Variants in TMCO1 observed in about 807,000 individuals in gnomAD.
TMCO1 encodes the protein calcium load-activated calcium channel.
Under a neutral mutation model 29.3 loss-of-function variants are expected in TMCO1, and 29 were observed. That is an observed-to-expected ratio of 0.99 (90% confidence interval 0.74 to 1.35). The LOEUF (loss-of-function observed/expected upper bound fraction) is 1.35, where lower values mean the gene tolerates loss of function less well. Ranked by LOEUF, TMCO1 falls within the 40% of genes most tolerant of loss-of-function variation. The pLI, the probability that TMCO1 is intolerant of heterozygous loss-of-function variation, is 0.00. For synonymous variants in TMCO1, 80 were observed against 77.1 expected (o/e 1.04, Z -0.20); for missense variants, 173 against 225.5 (o/e 0.77, Z 1.49).
intron 6 of TMCO1, among the ~76,000 whole-genome samples, chr1:165,734,565 G>A (rs1279696121): frequency 3.9e-5 from 6 of 152,076 alleles, no homozygotes; most frequent in African/African-American, 1.4e-4. Context: ...GTGCAGTGGT[G>A]TGATCTCAGC....
intron 6 of TMCO1, among the ~76,000 whole-genome samples, chr1:165,736,184 AT>A: frequency 6.6e-6 from 1 of 152,316 alleles, no homozygotes; most frequent in Non-Finnish European, 1.5e-5. Context: ...ATTTGCCTTG[AT>A]TTTGGACTTC....
chr1:165,726,032 G>A (rs750107107), downstream of TMCO1: 1 of 688,590 alleles, frequency 1.5e-6, no homozygotes, highest in Admixed American at 2.0e-5. Context: ...AAGCCTCAGG[G>A]TATGAGTGAT....
intron 6 of TMCO1, among the ~76,000 whole-genome samples, chr1:165,728,927 T>C (rs1361400714): frequency 2.0e-5 from 3 of 151,898 alleles, no homozygotes; most frequent in Non-Finnish European, 4.4e-5. Flanking sequence ...TAAAACCCCA[T>C]CTCTACTTTT....
chr1:165,732,501 CTCTCTATA>C (rs1238882062), intron 6 of TMCO1, among the ~76,000 whole-genome samples: 3 of 138,206 alleles, frequency 2.2e-5, no homozygotes, highest in Admixed American at 7.2e-5. Flanking sequence ...CTCTCTCTCT[CTCTCTATA>C]TATATATATA....
chr1:165,745,474 CAAAAA>C (rs570579214), intron 5 of TMCO1, among the ~76,000 whole-genome samples: 2 of 101,352 alleles, frequency 2.0e-5, no homozygotes, highest in Non-Finnish European at 3.8e-5. Flanking sequence ...CTATCTCTAC[CAAAAA>C]AAAAAAAAAA....
chr1:165,745,544 G>T (rs1651768418), intron 5 of TMCO1, among the ~76,000 whole-genome samples: 1 of 151,312 alleles, frequency 6.6e-6, no homozygotes. Context: ...CTACTCAGGA[G>T]GCTAAGGTAG....
At chr1:165,747,667 C>T (rs1651849855) in intron 5 of TMCO1, among the ~76,000 whole-genome samples, 1 of 152,060 alleles carries the variant, frequency 6.6e-6, no homozygotes. Flanking sequence ...GTCATGAGAG[C>T]CAGGGTAAGG....
At chr1:165,751,172 A>G (rs1651980478) in intron 5 of TMCO1, among the ~76,000 whole-genome samples, 1 of 152,224 alleles carries the variant, frequency 6.6e-6, no homozygotes, top group South Asian at 2.1e-4. Context: ...GGTTTAGACA[A>G]CAGTAATTTA....
chr1:165,755,807 A>C (rs942513037), intron 3 of TMCO1, among the ~76,000 whole-genome samples: 2 of 152,172 alleles, frequency 1.3e-5, no homozygotes, highest in Non-Finnish European at 2.9e-5. Context: ...AGCCTCATGA[A>C]GATTTATAAC....
At chr1:165,755,551 G>T (rs73014631) in intron 3 of TMCO1, among the ~76,000 whole-genome samples, 2,020 of 152,192 alleles carry the variant, frequency 0.013, 54 homozygotes, top group African/African-American at 0.047. Flanking sequence ...TATGCCTGTA[G>T]TCTGAGCTAT....
At chr1:165,758,401 C>T in intron 3 of TMCO1, among the ~76,000 whole-genome samples, 1 of 151,834 alleles carries the variant, frequency 6.6e-6, no homozygotes, top group Admixed American at 6.6e-5. Context: ...ACTAAAAATA[C>T]AAAAATTAGC....
chr1:165,752,161 C>A lies in TMCO1; in HGVS notation c.264G>T (p.Met88Ile). ...AAAAGCCAATAGCAAACATGGATTT[C>A]ATTCGAACCTGTAATGAGACGAACA... ...NNNRDLSMVRMKSMFAIGFCF... is the reference protein window; with the variant it reads ...NNNRDLSMVRIKSMFAIGFCF... Residue 88 changes from methionine to isoleucine, a missense_variant, in exon 5 of 7, where the codon ATG becomes ATT. Met to Ile is a conservative substitution (Grantham distance 10). Transcript: ENST00000367881. 1 of 1,611,612 alleles carries A rather than the reference C, an allele frequency of 6.2e-7. No individual in the cohort carries two copies.
intron 5 of TMCO1, among the ~76,000 whole-genome samples, chr1:165,747,952 A>G (rs1651859861): frequency 6.6e-6 from 1 of 152,232 alleles, no homozygotes; most frequent in South Asian, 2.1e-4. Context: ...TGAGGTCAGG[A>G]ATTCAAGACC....
Position 165,764,802 on chromosome 1 carries a change from G to A in TMCO1, c.148+3390C>T, listed in dbSNP as rs535960500. 3.9e-5 allele frequency among the ~76,000 whole-genome samples: 6 copies of A among 152,284 alleles called. No individual in the cohort carries two copies. In the South Asian group the frequency reaches 1.0e-3, roughly 26 times the overall value. On this transcript the variant is annotated intron_variant, in intron 2 of 6. Transcript: ENST00000367881. ...AAAGACAAGTAACATAATCAGATTTGTGTTTTAAAAAATTACCCTAGATGC... is the reference window on the plus strand; with the variant it reads ...AAAGACAAGTAACATAATCAGATTTATGTTTTAAAAAATTACCCTAGATGC...
rs1558038172 is a variant in TMCO1, at chr1:165,752,251, CATT to C, written c.256-85_256-83del. On this transcript the variant is annotated intron_variant, in intron 4 of 6. Coordinates refer to ENST00000367881, the MANE Select transcript of TMCO1 (RefSeq NM_019026.6). The stretch of plus-strand genomic sequence containing the variant: ...TATCTCAAAAGTTTTGGTTTCATGT[CATT>C]TTTTTTTTTTTTTTTTTTGAGGCAG... 7.1e-3 allele frequency: 4,722 copies of C among 661,534 alleles called. 43 individuals carry two copies. The highest frequency in any genetic ancestry group is 0.023 in the East Asian group (581 of 25,498). 41.0% of individuals were successfully genotyped at this position (661,534 alleles called of 1,614,324 possible).
chr1:165,727,735 C>G lies in TMCO1; in HGVS notation c.*288G>C, dbSNP rs1334335983. 2.2e-6 allele frequency: 1 copy of G among 457,934 alleles called. No homozygotes were observed. The highest frequency in any genetic ancestry group is 2.0e-5 in the African/African-American group (1 of 50,186). The allele number at this position is 457,934 out of a possible 1,614,324, so 28.4% of individuals were successfully genotyped here. Reference sequence around the variant, plus strand: ...TTGAGAGTCGGTCCCACAGAAAATACTTATGTAAATGAAACAAGAAGGATG... The same window carrying G: ...TTGAGAGTCGGTCCCACAGAAAATAGTTATGTAAATGAAACAAGAAGGATG... On this transcript the variant is annotated 3_prime_UTR_variant, in exon 7 of 7. Transcript: ENST00000367881.
intron 2 of TMCO1, among the ~76,000 whole-genome samples, chr1:165,764,829 T>C (rs1421362705): frequency 6.6e-6 from 1 of 152,052 alleles, no homozygotes; most frequent in Non-Finnish European, 1.5e-5. Context: ...CCTAGATGCA[T>C]TATAGGGGGC....
chr1:165,724,858 A>G (rs553722607), downstream of TMCO1: 117 of 453,926 alleles, frequency 2.6e-4, no homozygotes, highest in African/African-American at 2.2e-3. Flanking sequence ...CAGATAAATG[A>G]TAAGATTTGC....
chr1:165,725,921 C>T (rs1186350189), downstream of TMCO1: 2 of 631,226 alleles, frequency 3.2e-6, no homozygotes, highest in Admixed American at 2.1e-5. Context: ...TGTAATCTCT[C>T]CTTTTTAACT....
Sources: allele counts gnomAD v4.1 joint callset (sites outside exome capture counted in the v4.1 genomes callset), GRCh38; gene constraint gnomAD v4.1.1; transcripts MANE v1.5; gene names NCBI Gene and HGNC (gene_info 2026-07-23, HGNC 2026-07-21).